SUMO3: variants seen among roughly 807,000 people sequenced by gnomAD.
SUMO3 encodes the protein small ubiquitin like modifier 3.
SUMO3 carries 2 observed loss-of-function variants against 11.1 expected under a neutral mutation model. The ratio of observed to expected loss-of-function variants is 0.18; its 90% confidence interval spans 0.07 to 0.57. SUMO3 has a LOEUF of 0.57. Among genes scored for constraint, SUMO3 ranks in the 20% least tolerant of loss-of-function variants. The pLI is 0.92. For synonymous variants in SUMO3, 56 were observed against 53.5 expected, an observed-to-expected ratio of 1.05 and a Z score of -0.20; for missense variants, 70 against 132.8, an observed-to-expected ratio of 0.53 and a Z score of 2.32.
At chr21:44,814,168 C>G (rs2083230308) in intron 1 of SUMO3, 64 bp from the exon 2 acceptor site, 1 of 1,584,148 alleles carries the variant, frequency 6.3e-7, no homozygotes, top group South Asian at 1.1e-5. Flanking sequence ...CTTGAATGGG[C>G]AAGTCTTTAG....
chr21:44,816,052 AG>A (rs2083242353), intron 1 of SUMO3, among the ~76,000 whole-genome samples: 1 of 152,164 alleles, frequency 6.6e-6, no homozygotes, highest in South Asian at 2.1e-4. Context: ...ATGGGCTCAG[AG>A]GGGACCCACC....
rs745655859 is a variant in SUMO3 at position 44,818,019 on chromosome 21, G to T, written c.-51C>A. The T allele has an allele frequency of 4.4e-5, 51 of 1,169,254 alleles. No homozygotes were observed. Among genetic ancestry groups the T allele is most frequent in the Non-Finnish European group, 5.0e-5 (47 of 946,374 alleles). 72.4% of individuals were successfully genotyped at this position (1,169,254 alleles called of 1,614,324 possible). On this transcript the variant is annotated 5_prime_UTR_variant, in exon 1 of 4. Transcript: ENST00000332859. ...GGCGCGGGGGAAGCAGCGCGGAGCG[G>T]GCGAGTCACGCTCTCGGCCCCGCCG...
At chr21:44,813,884 C>T (rs2083227860) in intron 2 of SUMO3, 92 bp downstream of exon 2, 1 of 1,594,280 alleles carries the variant, frequency 6.3e-7, no homozygotes. Context: ...CATCTGGGTC[C>T]AGCCCCGAGA....
rs1444781862 is a variant in SUMO3, at chr21:44,810,388, G to A, written c.151-1270C>T. 6.6e-6 allele frequency among the ~76,000 whole-genome samples: 1 copy of A among 152,208 alleles called. No individual in the cohort carries two copies. The highest frequency in any genetic ancestry group is 1.5e-5 in the Non-Finnish European group (1 of 68,028). On this transcript the variant is annotated intron_variant, in intron 2 of 3. Coordinates refer to ENST00000332859, the MANE Select transcript of SUMO3 (RefSeq NM_006936.3). The surrounding 1 kb of genome is among the most constrained non-coding windows in gnomAD (Gnocchi z 4.1). The stretch of plus-strand genomic sequence containing the variant: ...GGAGGGACTGGGCACGCCCCAACCT[G>A]TGAGGCAGAGCTGTGGCAGGCAGCT...
At chr21:44,815,070 C>CT (rs2083235693) in intron 1 of SUMO3, among the ~76,000 whole-genome samples, 1 of 152,194 alleles carries the variant, frequency 6.6e-6, no homozygotes, top group African/African-American at 2.4e-5. Flanking sequence ...AAAGTCAAGT[C>CT]TGGGGCGTCC....
intron 2 of SUMO3, among the ~76,000 whole-genome samples, chr21:44,812,352 T>A (rs9977465): frequency 0.21 from 31,829 of 151,918 alleles, 4,615 homozygotes; most frequent in East Asian, 0.58. Flanking sequence ...AGTGCTGGGA[T>A]TACAGGCATA....
At chr21:44,816,714 A>G (rs2083245585) in intron 1 of SUMO3, among the ~76,000 whole-genome samples, 1 of 152,110 alleles carries the variant, frequency 6.6e-6, no homozygotes, top group South Asian at 2.1e-4. Flanking sequence ...ACCTGAATGC[A>G]GGGTGCATAC....
rs1287461530 is a variant in SUMO3, at chr21:44,807,204, TG to T, written c.223-165del. On this transcript the variant is annotated intron_variant, in intron 3 of 3. Coordinates refer to ENST00000332859, the MANE Select transcript of SUMO3 (RefSeq NM_006936.3). This position sits in a 1 kb window ranked among gnomAD's most constrained non-coding sequence, Gnocchi z 4.3. ...TCCCCTCACTGCAGCTCAGCACGCA[TG>T]GAAGAGGCATTGCTGTATGCTCACT... 6.6e-6 allele frequency among the ~76,000 whole-genome samples: 1 copy of T among 152,156 alleles called. No individual in the cohort carries two copies. Among genetic ancestry groups the T allele is most frequent in the Non-Finnish European group, 1.5e-5 (1 of 68,034 alleles).
intron 1 of SUMO3, among the ~76,000 whole-genome samples, chr21:44,816,228 G>A (rs2083243163): frequency 6.6e-6 from 1 of 152,148 alleles, no homozygotes; most frequent in Admixed American, 6.5e-5. Context: ...TTCATTAAGA[G>A]GAAGCCACCT....
At chr21:44,808,961 C>T (rs1471453193) in intron 3 of SUMO3, 86 bp downstream of exon 3, 1 of 1,106,966 alleles carries the variant, frequency 9.0e-7, no homozygotes, top group East Asian at 2.4e-5. Context: ...CTCCCACCTA[C>T]AATTCTCAAA....
At position 44,817,992 on chromosome 21, in the gene SUMO3, G is replaced by A. The variant is rs1472369266; in HGVS notation, c.-24C>T. On this transcript the variant is annotated 5_prime_UTR_variant, in exon 1 of 4. Coordinates refer to ENST00000332859, the MANE Select transcript of SUMO3 (RefSeq NM_006936.3). ...ATGGCTGCGCGAGCGGCGCGGGGAG[G>A]CGGCGCGGGGGAAGCAGCGCGGAGC... The A allele has an allele frequency of 3.9e-5, 46 of 1,180,068 alleles. No homozygotes were observed. The highest frequency in any genetic ancestry group is 7.3e-5 in the East Asian group (2 of 27,518). The allele number at this position is 1,180,068 out of a possible 1,614,324, so 73.1% of individuals were successfully genotyped here.
chr21:44,813,797 G>T (rs2146425161), intron 2 of SUMO3, 179 bp downstream of exon 2: 1 of 1,503,862 alleles, frequency 6.6e-7, no homozygotes, highest in Non-Finnish European at 8.9e-7. Context: ...GGCCATGGGG[G>T]ACAAGCCCAG....
chr21:44,813,343 T>C (rs1181525829), intron 2 of SUMO3, among the ~76,000 whole-genome samples: 2 of 151,988 alleles, frequency 1.3e-5, no homozygotes, highest in Non-Finnish European at 2.9e-5. Context: ...AGGGACCCCC[T>C]GGCCCAGGGT....
chr21:44,813,416 A>T (rs1335926827), intron 2 of SUMO3: 1 of 196,494 alleles, frequency 5.1e-6, no homozygotes, highest in Non-Finnish European at 1.1e-5. Context: ...AACAGCAGCC[A>T]GAAGGCATCC....
Position 44,811,315 on chromosome 21 carries a change from T to C in SUMO3, c.151-2197A>G, listed in dbSNP as rs1014955980. On this transcript the variant is annotated intron_variant, in intron 2 of 3. Transcript: ENST00000332859. This position sits in a 1 kb window ranked among gnomAD's most constrained non-coding sequence, Gnocchi z 5.0. ...GAGGATGGGTGCGGTGGCTCACACCTGTAATCCCAGCACTTTGGGAGACCG... is the reference window on the plus strand; with the variant it reads ...GAGGATGGGTGCGGTGGCTCACACCCGTAATCCCAGCACTTTGGGAGACCG... Among the ~76,000 whole-genome samples the C allele has an allele frequency of 6.6e-6, 1 of 152,196 alleles. No individual in the cohort carries two copies.
At chr21:44,808,994 T>C in intron 3 of SUMO3, 53 bp downstream of exon 3, 4 of 1,488,506 alleles carry the variant, frequency 2.7e-6, no homozygotes, top group Non-Finnish European at 2.8e-6. Context: ...AAATGGCAGT[T>C]ACCCCGCACA....
intron 1 of SUMO3, among the ~76,000 whole-genome samples, chr21:44,817,484 C>T (rs2083253029): frequency 1.3e-5 from 2 of 151,944 alleles, no homozygotes; most frequent in Non-Finnish European, 2.9e-5. Context: ...TGTTCCCGAG[C>T]CGACTCCGTG....
In SUMO3 at chr21:44,811,198, G is replaced by A. The variant is rs929070930; in HGVS notation, c.151-2080C>T. On this transcript the variant is annotated intron_variant, in intron 2 of 3. Coordinates refer to ENST00000332859, the MANE Select transcript of SUMO3 (RefSeq NM_006936.3). This position sits in a 1 kb window ranked among gnomAD's most constrained non-coding sequence, Gnocchi z 5.0. ...CATACACACACATGCACAAAGACAC[G>A]GACATACACACCACACACACCTACA... is the stretch of plus-strand genomic sequence containing the variant. 3.3e-5 allele frequency among the ~76,000 whole-genome samples: 5 copies of A among 150,968 alleles called. No homozygotes were observed. The highest frequency in any genetic ancestry group is 3.2e-3 in the Middle Eastern group (1 of 316).
At chr21:44,817,613 G>A (rs1168522574) in intron 1 of SUMO3, among the ~76,000 whole-genome samples, 6 of 151,594 alleles carry the variant, frequency 4.0e-5, no homozygotes, top group Admixed American at 3.3e-4. Context: ...GGCGGGATCC[G>A]AGGGCGCCGC....
Sources: allele counts gnomAD v4.1 joint callset (sites outside exome capture counted in the v4.1 genomes callset), GRCh38; gene constraint gnomAD v4.1.1; non-coding constraint Gnocchi (gnomAD v3.1); transcripts MANE v1.5; gene names NCBI Gene and HGNC (gene_info 2026-07-23, HGNC 2026-07-21).